Variants in POMZP3 observed in about 807,000 individuals in gnomAD.
The protein encoded by POMZP3 is POM121 and ZP3 fusion protein.
Under a neutral mutation model 19.8 loss-of-function variants are expected in POMZP3, and 10 were observed. The ratio of observed to expected loss-of-function variants is 0.51; its 90% confidence interval spans 0.31 to 0.86. POMZP3 has a LOEUF of 0.86. Ranked by LOEUF, POMZP3 falls within the 40% of genes least tolerant of loss-of-function variation. The pLI, the probability that POMZP3 is intolerant of heterozygous loss-of-function variation, is 0.04. For missense variants in POMZP3, 152 were observed against 228.1 expected (o/e 0.67, Z 2.15); for synonymous variants, 57 against 85.8 (o/e 0.66, Z 1.85).
At position 76,611,450 on chromosome 7, in the gene POMZP3, A is replaced by G. The variant is rs1394047595; in HGVS notation, c.*11+4T>C. ...AACAGCCTCTTGGCCATTCTATGAC[A>G]TACCATGCCTGCGGTTACAGGGAAG... On this transcript the variant is annotated splice_donor_region_variant and intron_variant, in intron 6 of 6. Transcript: ENST00000310842. The G allele has an allele frequency of 6.5e-7, 1 of 1,548,842 alleles. No individual in the cohort carries two copies. Among genetic ancestry groups the G allele is most frequent in the South Asian group, 1.1e-5 (1 of 87,780 alleles).
rs1249134177 is a variant in POMZP3 at position 76,625,560 on chromosome 7, T to G, written c.189A>C (p.Glu63Asp). 1 of 1,613,486 alleles carries G rather than the reference T, an allele frequency of 6.2e-7. No individual in the cohort carries two copies. Residue 63 changes from glutamate to aspartate, a missense_variant, in exon 3 of 7, where the codon GAA becomes GAC. Glu to Asp is a conservative substitution (Grantham distance 45). This residue lies in a region of POMZP3 where 17 missense variants were observed against 38.1 expected (regional missense o/e 0.45). Transcript: ENST00000310842. Reference sequence around the variant, plus strand: ...CCTGGCCATCAAGGAATATTTGGTCTTCTTCCTCCACTGTCCTTTTCTTCT... The same window carrying G: ...CCTGGCCATCAAGGAATATTTGGTCGTCTTCCTCCACTGTCCTTTTCTTCT... The part of the protein sequence containing the change: ...EKKKKRTVEE[E>D]DQIFLDGQEN...
Position 76,626,985 on chromosome 7 carries a change from G to A in POMZP3, c.-429C>T. The A allele has an allele frequency of 7.3e-7, 1 of 1,377,800 alleles. No individual in the cohort carries two copies. The highest frequency in any genetic ancestry group is 9.5e-7 in the Non-Finnish European group (1 of 1,052,244). 85.3% of individuals were successfully genotyped at this position (1,377,800 alleles called of 1,614,324 possible). On this transcript the variant is annotated 5_prime_UTR_variant, in exon 1 of 7. An upstream open reading frame in the 5' UTR gains an earlier in-frame stop. Coordinates refer to ENST00000310842, the MANE Select transcript of POMZP3 (RefSeq NM_012230.5). Reference sequence around the variant, plus strand: ...GGAGGTTTCCGTTGGCTGTCGACTTGGCCGGAGGCGAAGCGAACAGTGTTC... The same window carrying A: ...GGAGGTTTCCGTTGGCTGTCGACTTAGCCGGAGGCGAAGCGAACAGTGTTC...
chr7:76,611,918 G>A, intron 4 of POMZP3, 105 bp from the exon 5 acceptor site: 3 of 1,539,808 alleles, frequency 1.9e-6, no homozygotes, highest in Non-Finnish European at 2.6e-6. Flanking sequence ...GTGAGAAGGG[G>A]CCGGGTGCGA....
In POMZP3 at chr7:76,626,052, G is replaced by T; in HGVS notation, c.13C>A (p.Pro5Thr). MVCS[P>T]VTLRIAPPDR... is the part of the protein sequence containing the mutation. ...GGAGGGGCGATCCTCAGAGTCACTG[G>T]GCTACACACCATCCTGGAGTTGCGA... The change falls in exon 2 of 7, where the codon CCA becomes ACA. Residue 5 changes from proline to threonine, a missense_variant. By Grantham distance (38) the Pro-to-Thr change is conservative. This residue lies in a region of POMZP3 where 70 missense variants were observed against 64.1 expected (regional missense o/e 1.09). Coordinates refer to ENST00000310842, the MANE Select transcript of POMZP3 (RefSeq NM_012230.5). 2 of 1,613,680 alleles carry T rather than the reference G, an allele frequency of 1.2e-6. No individual in the cohort carries two copies. Among genetic ancestry groups the T allele is most frequent in the Non-Finnish European group, 1.7e-6 (2 of 1,179,684 alleles).
At position 76,627,111 on chromosome 7, in the gene POMZP3, G is replaced by A. The variant is rs935062835; in HGVS notation, c.-555C>T. The A allele has an allele frequency of 1.5e-4, 213 of 1,374,702 alleles. 5 individuals are homozygous for A. Among genetic ancestry groups the A allele is most frequent in the Non-Finnish European group, 2.0e-4 (207 of 1,042,756 alleles). 85.2% of individuals were successfully genotyped at this position (1,374,702 alleles called of 1,614,324 possible). On this transcript the variant is annotated 5_prime_UTR_variant, in exon 1 of 7. Transcript: ENST00000310842. ...CCGCGGTAGTCCCCACGGCCAGCCA[G>A]GCCAGCGCAGCCGCAGCAGGCACGA...
Position 76,627,178 on chromosome 7 carries a change from G to A in POMZP3, c.-622C>T, listed in dbSNP as rs1348024079. ...GACCAGCGACAGGCCGAGAAGCGCC[G>A]CCCCGGCCGGCCCTGACACTCGCTA... On this transcript the variant is annotated 5_prime_UTR_variant, in exon 1 of 7. Transcript: ENST00000310842. 2.1e-6 allele frequency: 3 copies of A among 1,441,806 alleles called. No homozygotes were observed. Among genetic ancestry groups the A allele is most frequent in the African/African-American group, 1.4e-5 (1 of 70,074 alleles). The allele number at this position is 1,441,806 out of a possible 1,614,324, so 89.3% of individuals were successfully genotyped here.
At position 76,611,537 on chromosome 7, in the gene POMZP3, G is replaced by A. The variant is rs764612323; in HGVS notation, c.492C>T (p.Asp164=). The change falls in exon 6 of 7, where the codon GAC becomes GAT. Residue 164 remains aspartate (D), a synonymous_variant. Transcript: ENST00000310842. The part of the protein sequence containing the change: ...ADICQCCNKG[D]CGTPSHSRRQ... ...TCCTGGAATGGCTTGGAGTGCCACA[G>A]TCACCTTTGTTACAGCATTGACAGA... 2 of 1,605,172 alleles carry A rather than the reference G, an allele frequency of 1.2e-6. No homozygotes were observed. The highest frequency in any genetic ancestry group is 2.7e-5 in the African/African-American group (2 of 74,494).
At position 76,625,732 on chromosome 7, in the gene POMZP3, C is replaced by T. The variant is rs1395713522; in HGVS notation, c.66-49G>A. ...GCAGTAAGATATTTTAATTCCCATG[C>T]CATATCAGAAATGGAAATCAGAAGC... is the stretch of plus-strand genomic sequence containing the variant. On this transcript the variant is annotated intron_variant, in intron 2 of 6. Transcript: ENST00000310842. 14 of 1,592,830 alleles carry T rather than the reference C, an allele frequency of 8.8e-6. 1 individual carries two copies. The South Asian group carries it at 9.1e-5, about 10-fold the overall frequency.
At position 76,627,142 on chromosome 7, in the gene POMZP3, A is replaced by C. The variant is rs1815951793; in HGVS notation, c.-586T>G. 2 of 1,444,880 alleles carry C rather than the reference A, an allele frequency of 1.4e-6. No homozygotes were observed. The highest frequency in any genetic ancestry group is 1.8e-6 in the Non-Finnish European group (2 of 1,089,246). The allele number at this position is 1,444,880 out of a possible 1,614,324, so 89.5% of individuals were successfully genotyped here. A position where few individuals can be genotyped will look rare whatever the true frequency, so the allele number is the denominator to read the frequency against. Reference sequence around the variant, plus strand: ...CGCAGCCGCAGCAGGCACGAGGTACAGTAGGAGGCCGACCAGCGACAGGCC... The same window carrying C: ...CGCAGCCGCAGCAGGCACGAGGTACCGTAGGAGGCCGACCAGCGACAGGCC... On this transcript the variant is annotated 5_prime_UTR_variant, in exon 1 of 7. Coordinates refer to ENST00000310842, the MANE Select transcript of POMZP3 (RefSeq NM_012230.5).
chr7:76,615,999 G>T lies in POMZP3; in HGVS notation c.345+2184C>A, dbSNP rs1424412014. Among the ~76,000 whole-genome samples the T allele has an allele frequency of 2.9e-5, 2 of 68,568 alleles. 1 individual carries two copies. The highest frequency in any genetic ancestry group is 6.7e-4 in the East Asian group (2 of 3,004). 45.0% of individuals were successfully genotyped at this position (68,568 alleles called of 152,430 possible). A position where few individuals can be genotyped will look rare whatever the true frequency, so the allele number is the denominator to read the frequency against. Reference sequence around the variant, plus strand: ...AAAAAAAAAAAAAAAAGGGGGGGGGGGCAGGTGGCACGTGGTGGTTCATGC... The same window carrying T: ...AAAAAAAAAAAAAAAAGGGGGGGGGTGCAGGTGGCACGTGGTGGTTCATGC... On this transcript the variant is annotated intron_variant, in intron 4 of 6. Coordinates refer to ENST00000310842, the MANE Select transcript of POMZP3 (RefSeq NM_012230.5).
At chr7:76,621,784 C>G (rs1344647632) in intron 3 of POMZP3, among the ~76,000 whole-genome samples, 1 of 151,584 alleles carries the variant, frequency 6.6e-6, no homozygotes, top group African/African-American at 2.4e-5. Flanking sequence ...ACTAAAAATA[C>G]AAAAAAGTAG....
rs546922753 is a variant in POMZP3, at chr7:76,621,880, C to T, written c.228-3580G>A. 2.5e-4 allele frequency among the ~76,000 whole-genome samples: 33 copies of T among 133,244 alleles called. 2 individuals carry two copies. The South Asian group carries it at 8.9e-3, about 36-fold the overall frequency. The allele number at this position is 133,244 out of a possible 152,430, so 87.4% of individuals were successfully genotyped here. On this transcript the variant is annotated intron_variant, in intron 3 of 6. Coordinates refer to ENST00000310842, the MANE Select transcript of POMZP3 (RefSeq NM_012230.5). ...GCGTGAACCCGGGAGGCGGAGCTTGCAGTGAGCCGAGATAGCGCTACTGCA... is the reference window on the plus strand; with the variant it reads ...GCGTGAACCCGGGAGGCGGAGCTTGTAGTGAGCCGAGATAGCGCTACTGCA...
intron 1 of POMZP3, 53 bp from the exon 2 acceptor site, chr7:76,626,268 A>C (rs1179853641): frequency 3.4e-5 from 50 of 1,468,478 alleles, no homozygotes; most frequent in Non-Finnish European, 4.2e-5. Flanking sequence ...GAATGTCAAA[A>C]TTTTAGACGG....
intron 3 of POMZP3, among the ~76,000 whole-genome samples, chr7:76,623,526 C>T (rs1584354149): frequency 6.8e-6 from 1 of 147,868 alleles, no homozygotes; most frequent in Non-Finnish European, 1.5e-5. Flanking sequence ...AAGCCTGGTG[C>T]GGTGGCTTAT....
At chr7:76,618,513 C>G in intron 3 of POMZP3, 1 of 657,332 alleles carries the variant, frequency 1.5e-6, no homozygotes, top group Non-Finnish European at 2.5e-6. Context: ...TCCACCTACT[C>G]GGGAGGCTGA....
intron 4 of POMZP3, among the ~76,000 whole-genome samples, chr7:76,613,426 A>C (rs1044277675): frequency 6.1e-5 from 8 of 130,758 alleles, no homozygotes; most frequent in African/African-American, 2.1e-4. Flanking sequence ...GAATGAACCC[A>C]ATATGAGCTC....
intron 2 of POMZP3, 74 bp downstream of exon 2, chr7:76,625,926 T>G: frequency 6.3e-7 from 1 of 1,596,626 alleles, no homozygotes; most frequent in South Asian, 1.1e-5. Context: ...TGTAGTCATG[T>G]TGTCATAGGA....
intron 4 of POMZP3, among the ~76,000 whole-genome samples, chr7:76,616,688 C>T (rs1270893963): frequency 1.0e-5 from 1 of 95,728 alleles, no homozygotes; most frequent in African/African-American, 4.2e-5. Context: ...AACCCAATCT[C>T]TAGTAAGAAT....
At chr7:76,620,863 T>TTTTTA (rs1815518725) in intron 3 of POMZP3, among the ~76,000 whole-genome samples, 1 of 42,810 alleles carries the variant, frequency 2.3e-5, no homozygotes, top group Non-Finnish European at 4.3e-5. Flanking sequence ...GTAAAGCCAT[T>TTTTTA]TTTTTTTTTT....
Sources: allele counts gnomAD v4.1 joint callset (sites outside exome capture counted in the v4.1 genomes callset), GRCh38; gene constraint gnomAD v4.1.1; regional missense constraint gnomAD v4.1.1; transcripts MANE v1.5; gene names NCBI Gene and HGNC (gene_info 2026-07-23, HGNC 2026-07-21).